The following COL5A3 variants were observed in gnomAD, a reference collection of about 807,000 sequenced individuals.
COL5A3 encodes collagen type V alpha 3 chain.
A neutral mutation model predicts 250.0 loss-of-function variants in COL5A3; 172 were observed. The observed-to-expected ratio is 0.69, with a 90% CI of 0.61 to 0.78. The LOEUF is 0.78. Ranked by LOEUF, COL5A3 falls within the 30% of genes least tolerant of loss-of-function variation. The probability of loss-of-function intolerance (pLI) is 0.00; values close to 1 mark genes in which losing one functional copy is unlikely to be tolerated. For synonymous variants in COL5A3, 937 were observed against 900.4 expected (o/e 1.04, Z -0.73); for missense variants, 2,340 against 2,334.4 (o/e 1.00, Z -0.05).
chr19:9,979,779 C>G lies in COL5A3; in HGVS notation c.2712+60G>C, dbSNP rs964736062. 3.9e-5 allele frequency: 58 copies of G among 1,468,808 alleles called. 1 individual carries two copies. Among genetic ancestry groups the G allele is most frequent in the Non-Finnish European group, 5.0e-5 (54 of 1,079,934 alleles). 91.0% of individuals were successfully genotyped at this position (1,468,808 alleles called of 1,614,324 possible). A position where few individuals can be genotyped will look rare whatever the true frequency, so the allele number is the denominator to read the frequency against. On this transcript the variant is annotated intron_variant, in intron 37 of 66. Transcript: ENST00000264828. ...CTAGCCCAGGTGACAGAGTGAGACT[C>G]TGTCTCAAAAAGAAAAAAAAAAAAA...
chr19:9,966,558 GCGGTGCAGCT>G lies in COL5A3; in HGVS notation c.4637_4646del (p.Glu1546AlafsTer47). On this transcript the variant is annotated frameshift_variant, in exon 63 of 67. Transcript: ENST00000264828. LOFTEE classifies it high-confidence loss of function. ...CACCATCAGGCAGGTGCGGGTGGTTGCGGTGCAGCTCGTGGCACACGAGGCCCGGGCGCTC... is the reference window on the plus strand; with the variant it reads ...CACCATCAGGCAGGTGCGGGTGGTTGCGTGGCACACGAGGCCCGGGCGCTC... 6.5e-7 allele frequency: 1 copy of G among 1,543,798 alleles called. No individual in the cohort carries two copies. Among genetic ancestry groups the G allele is most frequent in the East Asian group, 2.4e-5 (1 of 41,020 alleles).
At chr19:9,980,192 A>G (rs1316803124) in intron 35 of COL5A3, 145 bp from the exon 36 acceptor site, 1 of 804,512 alleles carries the variant, frequency 1.2e-6, no homozygotes, top group Non-Finnish European at 1.9e-6. Flanking sequence ...CAAGTCAGTC[A>G]TTTTATTCAC....
intron 1 of COL5A3, 46 bp downstream of exon 1, chr19:10,010,252 C>G (rs1218112191): frequency 7.8e-7 from 1 of 1,276,400 alleles, no homozygotes; most frequent in African/African-American, 1.6e-5. Flanking sequence ...TTTAGAGCCT[C>G]TCTGAGTCGT....
chr19:10,003,396 G>T (rs1432936232), intron 6 of COL5A3, among the ~76,000 whole-genome samples, 169 bp downstream of exon 6: 1 of 151,912 alleles, frequency 6.6e-6, no homozygotes, highest in African/African-American at 2.4e-5. Flanking sequence ...AGTCAGCTGA[G>T]AGAAGTCAGA....
intron 6 of COL5A3, 58 bp downstream of exon 6, chr19:10,003,507 A>G: frequency 6.5e-7 from 1 of 1,550,294 alleles, no homozygotes; most frequent in South Asian, 1.1e-5. Flanking sequence ...GAAGTCAGAC[A>G]GTCAAGACCG....
At position 9,969,342 on chromosome 19, in the gene COL5A3, C is replaced by T; in HGVS notation, c.4152+7G>A. ...GCCAGAACCTCAAGGATGAACAAGTCTCTTACCAGGGGGCCAGGAGGGCCC... is the reference window on the plus strand; with the variant it reads ...GCCAGAACCTCAAGGATGAACAAGTTTCTTACCAGGGGGCCAGGAGGGCCC... On this transcript the variant is annotated splice_region_variant and intron_variant, in intron 57 of 66. Coordinates refer to ENST00000264828, the MANE Select transcript of COL5A3 (RefSeq NM_015719.4). 1 of 1,591,648 alleles carries T rather than the reference C, an allele frequency of 6.3e-7. No individual in the cohort carries two copies. The highest frequency in any genetic ancestry group is 8.5e-7 in the Non-Finnish European group (1 of 1,171,960).
chr19:9,980,624 A>T, intron 35 of COL5A3, 24 bp downstream of exon 35: 1 of 1,561,404 alleles, frequency 6.4e-7, no homozygotes, highest in South Asian at 1.1e-5. Context: ...ACATTCACAC[A>T]CACACACACA....
rs1289335578 is a variant in COL5A3 at position 10,009,326 on chromosome 19, G to A, written c.88+972C>T. Reference sequence around the variant, plus strand: ...TACGCCATCCCCTGACTCCCGAAGCGCCCCCCACTCTGAACCCTGAGGGGC... The same window carrying A: ...TACGCCATCCCCTGACTCCCGAAGCACCCCCCACTCTGAACCCTGAGGGGC... On this transcript the variant is annotated intron_variant, in intron 1 of 66. Transcript: ENST00000264828. This position sits in a 1 kb window ranked among gnomAD's most constrained non-coding sequence, Gnocchi z 4.4. Among the ~76,000 whole-genome samples, 1 of 151,958 alleles carries A rather than the reference G, an allele frequency of 6.6e-6. No homozygotes were observed. Among genetic ancestry groups the A allele is most frequent in the Non-Finnish European group, 1.5e-5 (1 of 67,964 alleles).
Position 9,968,092 on chromosome 19 carries a change from C to T in COL5A3, c.4315-13G>A, listed in dbSNP as rs752132424. 4 of 1,587,546 alleles carry T rather than the reference C, an allele frequency of 2.5e-6. No homozygotes were observed. The Admixed American group carries it at 5.9e-5, about 23-fold the overall frequency. On this transcript the variant is annotated splice_polypyrimidine_tract_variant and intron_variant, in intron 59 of 66. Transcript: ENST00000264828. The surrounding 1 kb of genome is among the most constrained non-coding windows in gnomAD (Gnocchi z 4.1). ...GACCAGGGGGACCCTAGGAAAAGGA[C>T]ATCGGGTCAGTATTGGTGGGGTACA...
At chr19:9,992,775 C>T (rs1304341595) in intron 21 of COL5A3, 52 bp downstream of exon 21, 3 of 1,588,478 alleles carry the variant, frequency 1.9e-6, no homozygotes, top group Non-Finnish European at 2.6e-6. Context: ...AGACCCTAAT[C>T]TCAAAACAAA....
At chr19:9,986,523 A>G (rs750152018) in intron 29 of COL5A3, 30 bp downstream of exon 29, 1 of 1,610,086 alleles carries the variant, frequency 6.2e-7, no homozygotes, top group Non-Finnish European at 8.5e-7. Context: ...CCCCAGACCC[A>G]CACCACCCCT....
In COL5A3 at chr19:9,974,189, G is replaced by A. The variant is rs753364552; in HGVS notation, c.3486C>T (p.Val1162=). ...LPGPPGEKGE[V]GDVGSMGPHG... is the part of the protein sequence containing the mutation. Reference sequence around the variant, plus strand: ...TGCATACCATGGACCCGACGTCTCCGACCTCCCCTTTCTCTCCCGGAGGGC... The same window carrying A: ...TGCATACCATGGACCCGACGTCTCCAACCTCCCCTTTCTCTCCCGGAGGGC... The change falls in exon 47 of 67, where the codon GTC becomes GTT. Residue 1162 remains valine (V), a synonymous_variant. Coordinates refer to ENST00000264828, the MANE Select transcript of COL5A3 (RefSeq NM_015719.4). The A allele has an allele frequency of 1.7e-5, 28 of 1,613,674 alleles. No homozygotes were observed. In the East Asian group the frequency reaches 1.8e-4, roughly 10 times the overall value.
rs555095788 is a variant in COL5A3 at position 9,990,073 on chromosome 19, T to A, written c.1993-551A>T. On this transcript the variant is annotated intron_variant, in intron 24 of 66. Coordinates refer to ENST00000264828, the MANE Select transcript of COL5A3 (RefSeq NM_015719.4). ...GCCTTCCCTGGCAGACACACTTCTG[T>A]GTGATAATTTACTTGTACATTTAAA... 1.9e-4 allele frequency among the ~76,000 whole-genome samples: 10 copies of A among 53,350 alleles called. 1 individual carries two copies. Among genetic ancestry groups the A allele is most frequent in the Admixed American group, 8.4e-4 (5 of 5,978 alleles). The allele number at this position is 53,350 out of a possible 152,430, so 35.0% of individuals were successfully genotyped here.
intron 47 of COL5A3, 82 bp from the exon 48 acceptor site, chr19:9,974,054 A>C: frequency 6.6e-7 from 1 of 1,517,686 alleles, no homozygotes; most frequent in Non-Finnish European, 8.9e-7. Flanking sequence ...ACCACTGTCA[A>C]TGCTGGTGAC....
intron 37 of COL5A3, among the ~76,000 whole-genome samples, 156 bp from the exon 38 acceptor site, chr19:9,979,573 T>C (rs934052378): frequency 6.6e-6 from 1 of 152,034 alleles, no homozygotes; most frequent in Non-Finnish European, 1.5e-5. Context: ...GTGGGTCACT[T>C]GAAGCCAGGA....
At position 9,969,449 on chromosome 19, in the gene COL5A3, C is replaced by T. The variant is rs187409925; in HGVS notation, c.4099-47G>A. On this transcript the variant is annotated intron_variant, in intron 56 of 66. Transcript: ENST00000264828. ...GGGTGGGCTGCACCCTGTCAGAACA[C>T]AGTGTGGACCCCCCCCCGACCATGC... 141 of 1,595,886 alleles carry T rather than the reference C, an allele frequency of 8.8e-5. No individual in the cohort carries two copies. In the Middle Eastern group the frequency reaches 2.4e-3, roughly 27 times the overall value.
rs748151954 is a variant in COL5A3, at chr19:9,973,771, G to A, written c.3597C>T (p.Gly1199=). 41 of 1,613,830 alleles carry A rather than the reference G, an allele frequency of 2.5e-5. No homozygotes were observed. The highest frequency in any genetic ancestry group is 5.5e-5 in the South Asian group (5 of 91,080). ...PGLPGGVGQP[G]AVGEKGERGD... ...CCTCACTCACCTTCTCACCCACGGC[G>A]CCTGGCTGACCAACTCCTCCAGGCA... The change falls in exon 49 of 67, where the codon GGC becomes GGT. Residue 1199 remains glycine, a synonymous_variant. Transcript: ENST00000264828.
intron 4 of COL5A3, among the ~76,000 whole-genome samples, chr19:10,004,495 T>A (rs2087411937): frequency 6.6e-6 from 1 of 152,204 alleles, no homozygotes; most frequent in Admixed American, 6.5e-5. Context: ...CACGCCCAGT[T>A]AATTTTTGAA....
chr19:9,978,045 G>A (rs149436768), intron 41 of COL5A3, among the ~76,000 whole-genome samples: 6,699 of 150,164 alleles, frequency 0.045, 173 homozygotes, highest in Middle Eastern at 0.069. Flanking sequence ...GGGCTCAAGC[G>A]ATTCTCCAGC....
Sources: gnomAD v4.1 joint callset for allele counts (sites outside exome capture counted in the v4.1 genomes callset) on GRCh38, gnomAD v4.1.1 for gene constraint, Gnocchi (gnomAD v3.1) non-coding constraint, MANE v1.5 for transcripts, NCBI Gene and HGNC (gene_info 2026-07-23, HGNC 2026-07-21) for gene names.